NFX1: variants seen among roughly 807,000 people sequenced by gnomAD.
The protein encoded by NFX1 is nuclear transcription factor, X-box binding 1.
NFX1 carries 69 observed loss-of-function variants against 137.2 expected under a neutral mutation model. That is an observed-to-expected ratio of 0.50 (90% CI 0.41 to 0.61). The LOEUF (loss-of-function observed/expected upper bound fraction) is 0.61. NFX1 is among the 20% of genes least tolerant of loss of function. The pLI is 0.00. For missense variants in NFX1, 1,167 were observed against 1,391.0 expected (o/e 0.84, Z 2.56); for synonymous variants, 495 against 474.1 (o/e 1.04, Z -0.57).
chr9:33,328,452 A>G, intron 9 of NFX1, 129 bp from the exon 10 acceptor site: 2 of 655,932 alleles, frequency 3.0e-6, no homozygotes, highest in South Asian at 1.8e-5. Flanking sequence ...CATTGACTGC[A>G]TACTTCCCTC....
At chr9:33,357,469 C>G (rs1467295416) in intron 19 of NFX1, among the ~76,000 whole-genome samples, 2 of 152,010 alleles carry the variant, frequency 1.3e-5, no homozygotes, top group African/African-American at 2.4e-5. Context: ...GACTTTTCTT[C>G]AATATTGTCT....
In NFX1 at chr9:33,354,205, T is replaced by C. The variant is rs1476020486; in HGVS notation, c.2831+18T>C. 1.3e-6 allele frequency: 2 copies of C among 1,577,346 alleles called. No homozygotes were observed. The highest frequency in any genetic ancestry group is 1.1e-5 in the South Asian group (1 of 87,640). On this transcript the variant is annotated intron_variant, in intron 18 of 23. Transcript: ENST00000379540. ...CAAGCCAGGTAATTTTTAAAATGCA[T>C]ATATGTGCCTTCTTTCTTCAATTAG...
chr9:33,322,364 G>T (rs546139191), intron 9 of NFX1, among the ~76,000 whole-genome samples: 1 of 152,082 alleles, frequency 6.6e-6, no homozygotes, highest in Admixed American at 6.6e-5. Context: ...CAGCTTGACA[G>T]ATCTCCACTC....
At chr9:33,324,357 C>T (rs760371386) in intron 9 of NFX1, among the ~76,000 whole-genome samples, 11 of 151,930 alleles carry the variant, frequency 7.2e-5, no homozygotes, top group African/African-American at 2.4e-4. Flanking sequence ...CCAGCCTGGA[C>T]GAGGGAGTAA....
intron 19 of NFX1, 35 bp from the exon 20 acceptor site, chr9:33,363,975 C>T: frequency 6.9e-7 from 1 of 1,449,248 alleles, no homozygotes; most frequent in Non-Finnish European, 9.4e-7. Flanking sequence ...TTCCCTCCCA[C>T]TCCTTTTATT....
At chr9:33,333,524 T>C (rs1381471214) in intron 11 of NFX1, among the ~76,000 whole-genome samples, 1 of 152,218 alleles carries the variant, frequency 6.6e-6, no homozygotes, top group Non-Finnish European at 1.5e-5. Flanking sequence ...ACAAAATCCA[T>C]GAAGAGAGTG....
At chr9:33,308,102 GC>G (rs1477058872) in intron 5 of NFX1, among the ~76,000 whole-genome samples, 1 of 152,086 alleles carries the variant, frequency 6.6e-6, no homozygotes, top group African/African-American at 2.4e-5. Flanking sequence ...ACCACACCCA[GC>G]CATAGGATGT....
At chr9:33,290,814 G>A (rs564284182) in intron 1 of NFX1, among the ~76,000 whole-genome samples, 5 of 152,366 alleles carry the variant, frequency 3.3e-5, no homozygotes, top group African/African-American at 1.2e-4. Context: ...TTTCGGAGGA[G>A]AGAGGACTTG....
chr9:33,333,520 T>G (rs943935914), intron 11 of NFX1, among the ~76,000 whole-genome samples: 25 of 152,192 alleles, frequency 1.6e-4, no homozygotes, highest in Non-Finnish European at 3.5e-4. Flanking sequence ...CTAAACAAAA[T>G]CCATGAAGAG....
At chr9:33,294,247 G>A (rs936030585) in intron 1 of NFX1, among the ~76,000 whole-genome samples, 173 bp from the exon 2 acceptor site, 21 of 152,166 alleles carry the variant, frequency 1.4e-4, no homozygotes, top group African/African-American at 4.8e-4. Context: ...TGATTGATTA[G>A]TCCTCCACAA....
Position 33,370,499 on chromosome 9 carries a change from T to C in NFX1, c.*521T>C, listed in dbSNP as rs1374382720. 1.3e-5 allele frequency: 2 copies of C among 152,852 alleles called. No homozygotes were observed. The highest frequency in any genetic ancestry group is 2.4e-5 in the African/African-American group (1 of 41,468). The allele number at this position is 152,852 out of a possible 1,614,324, so 9.5% of individuals were successfully genotyped here. On this transcript the variant is annotated 3_prime_UTR_variant, in exon 24 of 24. Transcript: ENST00000379540. ...ACCATATCCGGAATCACACATGTTATCTTAAACCCAGCCATCATACCTAAG... is the reference window on the plus strand; with the variant it reads ...ACCATATCCGGAATCACACATGTTACCTTAAACCCAGCCATCATACCTAAG...
chr9:33,311,070 G>A (rs1821942615), intron 5 of NFX1, 36 bp from the exon 6 acceptor site: 2 of 1,606,286 alleles, frequency 1.2e-6, no homozygotes, highest in African/African-American at 2.7e-5. Context: ...TTGGATACAT[G>A]GCTGTGGTTT....
At position 33,338,529 on chromosome 9, in the gene NFX1, C is replaced by T. The variant is rs1445525506; in HGVS notation, c.2055C>T (p.Asp685=). Residue 685 remains aspartate (D), a synonymous_variant, in exon 12 of 24, where the codon GAC becomes GAT. Coordinates refer to ENST00000379540, the MANE Select transcript of NFX1 (RefSeq NM_002504.6). ...LKSEDATFMC[D]KRCNKKRLCG... Reference sequence around the variant, plus strand: ...CAGCAGATGCTACATTTATGTGTGACAAGCGGTGTAACAAGAAACGGTTGT... The same window carrying T: ...CAGCAGATGCTACATTTATGTGTGATAAGCGGTGTAACAAGAAACGGTTGT... The T allele has an allele frequency of 6.2e-7, 1 of 1,605,248 alleles. No homozygotes were observed. The highest frequency in any genetic ancestry group is 1.4e-5 in the African/African-American group (1 of 74,002).
At chr9:33,361,251 T>C (rs554989727) in intron 19 of NFX1, among the ~76,000 whole-genome samples, 2 of 152,190 alleles carry the variant, frequency 1.3e-5, no homozygotes, top group Non-Finnish European at 2.9e-5. Context: ...AAAATAATAA[T>C]ATGAGAAATG....
At position 33,294,594 on chromosome 9, in the gene NFX1, C is replaced by T. The variant is rs1396702046; in HGVS notation, c.200C>T (p.Ala67Val). The T allele has an allele frequency of 1.2e-6, 2 of 1,614,064 alleles. No homozygotes were observed. The highest frequency in any genetic ancestry group is 1.7e-5 in the Admixed American group (1 of 60,004). ...SRQVPYDEIS[A>V]VHQHSYHPSG... ...CAGGTCCCTTATGATGAAATCTCTGCTGTTCATCAGCATAGTTATCATCCG... is the reference window on the plus strand; with the variant it reads ...CAGGTCCCTTATGATGAAATCTCTGTTGTTCATCAGCATAGTTATCATCCG... The change falls in exon 2 of 24, where the codon GCT (alanine) becomes GTT (valine). Residue 67 changes from alanine to valine, a missense_variant. This residue lies in a region of NFX1 where 367 missense variants were observed against 386.7 expected (regional missense o/e 0.95). Coordinates refer to ENST00000379540, the MANE Select transcript of NFX1 (RefSeq NM_002504.6).
chr9:33,348,923 A>G (rs917926357), intron 15 of NFX1, among the ~76,000 whole-genome samples: 2 of 151,486 alleles, frequency 1.3e-5, no homozygotes, highest in African/African-American at 2.4e-5. Context: ...TTTTTGCATC[A>G]TGACGTATTG....
At chr9:33,367,212 T>C (rs1273830722) in intron 22 of NFX1, among the ~76,000 whole-genome samples, 1 of 152,184 alleles carries the variant, frequency 6.6e-6, no homozygotes, top group African/African-American at 2.4e-5. Flanking sequence ...CAGAGGAAAC[T>C]GAAGCAATAA....
intron 12 of NFX1, 119 bp downstream of exon 12, chr9:33,338,708 C>A: frequency 1.2e-6 from 1 of 836,936 alleles, no homozygotes; most frequent in Non-Finnish European, 1.9e-6. Context: ...GGCCCCTAAG[C>A]AGCAGTCAGA....
chr9:33,293,685 G>A (rs1440542808), intron 1 of NFX1, among the ~76,000 whole-genome samples: 1 of 152,218 alleles, frequency 6.6e-6, no homozygotes, highest in African/African-American at 2.4e-5. Flanking sequence ...TTCAGGGACT[G>A]AATTGACTGT....
Sources: allele counts gnomAD v4.1 joint callset (sites outside exome capture counted in the v4.1 genomes callset), GRCh38; gene constraint gnomAD v4.1.1; regional missense constraint gnomAD v4.1.1; transcripts MANE v1.5; gene names NCBI Gene and HGNC (gene_info 2026-07-23, HGNC 2026-07-21).